The following MACROD2 variants were observed in gnomAD, a reference collection of about 807,000 sequenced individuals.
MACROD2 encodes the protein mono-ADP ribosylhydrolase 2.
A neutral mutation model predicts 70.4 loss-of-function variants in MACROD2; 36 were observed. The observed-to-expected ratio is 0.51, with a 90% confidence interval of 0.39 to 0.68. MACROD2 has a LOEUF of 0.68. Among genes scored for constraint, MACROD2 ranks in the 30% least tolerant of loss-of-function variants. MACROD2 has a pLI of 0.00. For synonymous variants in MACROD2, 172 were observed against 178.8 expected (o/e 0.96, Z 0.30); for missense variants, 496 against 538.4 (o/e 0.92, Z 0.78).
intron 4 of MACROD2, among the ~76,000 whole-genome samples, chr20:14,553,308 T>C (rs1016264529): frequency 6.6e-6 from 1 of 151,916 alleles, no homozygotes; most frequent in Non-Finnish European, 1.5e-5. Flanking sequence ...TGGAATGTCT[T>C]CAGGGCCAAT....
intron 3 of MACROD2, among the ~76,000 whole-genome samples, chr20:14,107,450 G>A (rs960762983): frequency 8.5e-5 from 13 of 152,198 alleles, no homozygotes; most frequent in Non-Finnish European, 1.8e-4. Context: ...GCCATGAAGA[G>A]GAGATAGAGA....
chr20:15,786,405 A>G (rs1002547923), intron 8 of MACROD2, among the ~76,000 whole-genome samples: 1 of 152,236 alleles, frequency 6.6e-6, no homozygotes, highest in African/African-American at 2.4e-5. Flanking sequence ...ATAATATTGA[A>G]GTTACTGAAC....
intron 8 of MACROD2, among the ~76,000 whole-genome samples, chr20:15,695,449 C>T (rs1382907086): frequency 1.3e-5 from 2 of 150,740 alleles, no homozygotes; most frequent in East Asian, 3.9e-4. Flanking sequence ...GCTCTGTCAC[C>T]CAGGCTGGAG....
At chr20:14,973,907 T>G (rs1024539098) in intron 5 of MACROD2, among the ~76,000 whole-genome samples, 1 of 152,120 alleles carries the variant, frequency 6.6e-6, no homozygotes, top group African/African-American at 2.4e-5. Context: ...TAAAGTGAAG[T>G]AAGATGACAT....
intron 5 of MACROD2, among the ~76,000 whole-genome samples, chr20:15,130,161 C>T (rs1182787597): frequency 1.3e-5 from 2 of 152,072 alleles, no homozygotes; most frequent in Non-Finnish European, 2.9e-5. Flanking sequence ...TTTAACATAG[C>T]AAAGTGAAGC....
intron 8 of MACROD2, among the ~76,000 whole-genome samples, chr20:15,764,050 T>C (rs2051481816): frequency 6.6e-6 from 1 of 152,190 alleles, no homozygotes; most frequent in South Asian, 2.1e-4. Context: ...AGAACCAAAC[T>C]GGAAGAAAGG....
chr20:14,209,303 G>T (rs1260550265), intron 3 of MACROD2, among the ~76,000 whole-genome samples: 1 of 152,096 alleles, frequency 6.6e-6, no homozygotes, highest in Non-Finnish European at 1.5e-5. Context: ...TTTTAGTATT[G>T]AAGTTTAGTT....
chr20:14,903,516 T>G (rs147853818), intron 5 of MACROD2, among the ~76,000 whole-genome samples: 1 of 152,100 alleles, frequency 6.6e-6, no homozygotes, highest in South Asian at 2.1e-4. Context: ...GAATACATAA[T>G]TTAATGTATT....
intron 4 of MACROD2, among the ~76,000 whole-genome samples, chr20:14,546,083 A>G (rs1278789243): frequency 6.6e-6 from 1 of 152,192 alleles, no homozygotes; most frequent in African/African-American, 2.4e-5. Flanking sequence ...ATTAGCTATA[A>G]CTATGTTTAA....
chr20:14,989,270 A>G (rs1043180098), intron 5 of MACROD2, among the ~76,000 whole-genome samples: 3 of 152,092 alleles, frequency 2.0e-5, no homozygotes, highest in Non-Finnish European at 4.4e-5. Context: ...GGTGAAGAAA[A>G]CTTCCTTTGG....
chr20:15,777,460 G>A (rs2051741404), intron 8 of MACROD2, among the ~76,000 whole-genome samples: 1 of 147,144 alleles, frequency 6.8e-6, no homozygotes, highest in South Asian at 2.2e-4. Context: ...TCATCACACT[G>A]TTGGTTAGTG....
chr20:15,616,426 C>T lies in MACROD2; in HGVS notation c.645+116579C>T, dbSNP rs562574233. 2.6e-5 allele frequency among the ~76,000 whole-genome samples: 4 copies of T among 152,194 alleles called. No individual in the cohort carries two copies. The East Asian group carries it at 5.8e-4, about 22-fold the overall frequency. On this transcript the variant is annotated intron_variant, in intron 8 of 17. Coordinates refer to ENST00000684519, the MANE Select transcript of MACROD2 (RefSeq NM_001351661.2). Reference sequence around the variant, plus strand: ...GCCAGTTCCCCATTCTTTATGATAACGTACAGTCATATCAAAGAAGAAGTT... The same window carrying T: ...GCCAGTTCCCCATTCTTTATGATAATGTACAGTCATATCAAAGAAGAAGTT...
chr20:14,130,972 C>G (rs2054711013), intron 3 of MACROD2, among the ~76,000 whole-genome samples: 1 of 146,736 alleles, frequency 6.8e-6, no homozygotes, highest in Non-Finnish European at 1.5e-5. Context: ...TTGCCCAAGC[C>G]AGACTGAAGT....
chr20:15,394,218 T>C (rs971436691), intron 6 of MACROD2, among the ~76,000 whole-genome samples: 4 of 152,210 alleles, frequency 2.6e-5, no homozygotes, highest in African/African-American at 9.6e-5. Flanking sequence ...AATGTGAAAT[T>C]ATTTATGAAA....
intron 5 of MACROD2, among the ~76,000 whole-genome samples, chr20:14,769,838 A>G (rs943096905): frequency 1.3e-5 from 2 of 152,120 alleles, no homozygotes; most frequent in African/African-American, 4.8e-5. Context: ...GAGCTCAACC[A>G]TATGAAAAAG....
chr20:15,066,083 AG>A (rs899925451), intron 5 of MACROD2, among the ~76,000 whole-genome samples: 2 of 150,252 alleles, frequency 1.3e-5, no homozygotes, highest in African/African-American at 2.4e-5. Flanking sequence ...AAGCTCCCAG[AG>A]GGGAAAGTGA....
chr20:14,945,971 GC>G (rs1412644099), intron 5 of MACROD2, among the ~76,000 whole-genome samples: 11 of 152,164 alleles, frequency 7.2e-5, no homozygotes, highest in Admixed American at 5.2e-4. Context: ...ACTTTGGGAG[GC>G]CGAGGTGGGT....
chr20:15,074,023 A>T (rs1601031537), intron 5 of MACROD2, among the ~76,000 whole-genome samples: 1 of 152,320 alleles, frequency 6.6e-6, no homozygotes, highest in East Asian at 1.9e-4. Flanking sequence ...TACTATGAAA[A>T]TGCAATCAAT....
chr20:15,383,260 T>C lies in MACROD2; in HGVS notation c.541-48145T>C, dbSNP rs114486787. 8.2e-3 allele frequency among the ~76,000 whole-genome samples: 1,255 copies of C among 152,326 alleles called. 17 individuals are homozygous for C. Among genetic ancestry groups the C allele is most frequent in the African/African-American group, 0.029 (1,197 of 41,572 alleles). On this transcript the variant is annotated intron_variant, in intron 6 of 17. Coordinates refer to ENST00000684519, the MANE Select transcript of MACROD2 (RefSeq NM_001351661.2). ...TCCCCAAACATGTTTAAGGATATAA[T>C]TGGTAAGTAAGAAATTTGAAATCCC... is the stretch of plus-strand genomic sequence containing the variant.
Sources: allele counts gnomAD v4.1 joint callset (sites outside exome capture counted in the v4.1 genomes callset), GRCh38; gene constraint gnomAD v4.1.1; transcripts MANE v1.5; gene names NCBI Gene and HGNC (gene_info 2026-07-23, HGNC 2026-07-21).